The following ZNF487 variants were observed in gnomAD, a reference collection of about 807,000 sequenced individuals.
The protein encoded by ZNF487 is KRAB domain only 1.
A neutral mutation model predicts 3.0 loss-of-function variants in ZNF487; 4 were observed. The observed-to-expected ratio is 1.35, with a 90% confidence interval of 0.66 to 3.08. The LOEUF is 3.08. Ranked by LOEUF, ZNF487 falls within the 30% of genes most tolerant of loss-of-function variation. The probability of loss-of-function intolerance (pLI) is 0.01; values close to 1 mark genes in which losing one functional copy is unlikely to be tolerated. For synonymous variants in ZNF487, 55 were observed against 34.6 expected (o/e 1.59, Z -2.06); for missense variants, 146 against 98.7 (o/e 1.48, Z -2.03).
chr10:43,491,777 T>C, the ZNF487 span, among the ~76,000 whole-genome samples: 16 of 151,786 alleles, frequency 1.1e-4, no homozygotes, highest in Non-Finnish European at 1.9e-4. Context: ...GATCAATTCT[T>C]CTTTCCAGGA....
At chr10:43,464,943 C>A (rs1178712226) in intron 1 of ZNF487, among the ~76,000 whole-genome samples, 2 of 151,712 alleles carry the variant, frequency 1.3e-5, no homozygotes, top group African/African-American at 2.4e-5. Context: ...CCAGTAGGGG[C>A]GGCCGGGCAG....
chr10:43,466,604 T>C (rs991372462), intron 1 of ZNF487, among the ~76,000 whole-genome samples: 13 of 151,854 alleles, frequency 8.6e-5, no homozygotes, highest in South Asian at 2.1e-4. Flanking sequence ...GGTTTCACCA[T>C]GTTTGTCAGG....
At chr10:43,516,254 T>C in the ZNF487 span, among the ~76,000 whole-genome samples, 1 of 152,178 alleles carries the variant, frequency 6.6e-6, no homozygotes, top group African/African-American at 2.4e-5. Flanking sequence ...TGCATAACTA[T>C]CTAAACAGTT....
intron 1 of ZNF487, among the ~76,000 whole-genome samples, chr10:43,470,797 G>T (rs1469759734): frequency 6.6e-6 from 1 of 152,096 alleles, no homozygotes; most frequent in African/African-American, 2.4e-5. Flanking sequence ...GGGATTACAG[G>T]TGAGAGCCAC....
intron 1 of ZNF487, among the ~76,000 whole-genome samples, chr10:43,446,263 G>C (rs926834078): frequency 1.3e-5 from 2 of 151,604 alleles, no homozygotes; most frequent in Non-Finnish European, 2.9e-5. Context: ...GCCAGGCAGA[G>C]GCGCCACCCA....
intron 1 of ZNF487, among the ~76,000 whole-genome samples, chr10:43,446,299 C>T (rs1391804647): frequency 2.0e-5 from 3 of 148,092 alleles, no homozygotes; most frequent in Non-Finnish European, 3.0e-5. Context: ...GGCTGCTGGG[C>T]GGGGGCGCCC....
chr10:43,436,912 C>G (rs1256011018), upstream of ZNF487: 1 of 469,098 alleles, frequency 2.1e-6, no homozygotes, highest in South Asian at 1.6e-5. Flanking sequence ...CGGACTGCGC[C>G]GTGTCTTCCT....
At chr10:43,512,041 A>G in the ZNF487 span, among the ~76,000 whole-genome samples, 1 of 152,208 alleles carries the variant, frequency 6.6e-6, no homozygotes, top group East Asian at 1.9e-4. Context: ...AAAGTGCACA[A>G]CCAGGTGCAC....
chr10:43,446,755 G>C (rs1173686452), intron 1 of ZNF487, among the ~76,000 whole-genome samples: 10 of 152,014 alleles, frequency 6.6e-5, no homozygotes, highest in Admixed American at 6.6e-4. Flanking sequence ...GATGATGGGC[G>C]GCCAGGCAGA....
At chr10:43,471,991 ATCTTGGCTTT>A (rs1371559629) in intron 1 of ZNF487, among the ~76,000 whole-genome samples, 1 of 152,198 alleles carries the variant, frequency 6.6e-6, no homozygotes, top group Non-Finnish European at 1.5e-5. Context: ...TTTAACTTGT[ATCTTGGCTTT>A]CAGGCTTTAA....
At position 43,443,853 on chromosome 10, in the gene ZNF487, AT is replaced by A. The variant is rs1260588015; in HGVS notation, c.-94+6607del. 8.2e-3 allele frequency among the ~76,000 whole-genome samples: 1,109 copies of A among 135,870 alleles called. 8 individuals are homozygous for A. The highest frequency in any genetic ancestry group is 0.019 in the African/African-American group (689 of 37,112). 89.1% of individuals were successfully genotyped at this position (135,870 alleles called of 152,430 possible). On this transcript the variant is annotated intron_variant, in intron 1 of 3. Coordinates refer to ENST00000437590, the MANE Select transcript of ZNF487 (RefSeq NM_001355444.3). ...AGTTGTCTTTTTGTATATTGCTTGA[AT>A]TTTTTTTTTTTTTTTGTAGACACAG...
At chr10:43,483,843 ATTTTAT>A (rs944194991), downstream of ZNF487, among the ~76,000 whole-genome samples, 6 of 150,214 alleles carry the variant, frequency 4.0e-5, no homozygotes, top group African/African-American at 1.2e-4. Flanking sequence ...TTGATATTTT[ATTTTAT>A]TTTTATTTAT....
chr10:43,508,041 C>G, the ZNF487 span, among the ~76,000 whole-genome samples: 1 of 152,238 alleles, frequency 6.6e-6, no homozygotes. Context: ...CACTGCAGTA[C>G]TTTGCTGCCC....
intron 1 of ZNF487, among the ~76,000 whole-genome samples, chr10:43,456,307 G>A (rs1305061586): frequency 6.6e-6 from 1 of 152,182 alleles, no homozygotes; most frequent in African/African-American, 2.4e-5. Context: ...GAGGAAGCGT[G>A]GCCCACCTGA....
the ZNF487 span, among the ~76,000 whole-genome samples, chr10:43,494,765 C>CAAAAAAAAAAA: frequency 9.5e-4 from 34 of 35,754 alleles, 1 homozygote; most frequent in African/African-American, 2.1e-3. Flanking sequence ...ACTAAAAATA[C>CAAAAAAAAAAA]AAAAAAAAAA....
chr10:43,494,041 A>G, the ZNF487 span, among the ~76,000 whole-genome samples: 1 of 151,672 alleles, frequency 6.6e-6, no homozygotes, highest in Non-Finnish European at 1.5e-5. Flanking sequence ...TAAAAAAAAA[A>G]AAAAAAAACT....
the ZNF487 span, among the ~76,000 whole-genome samples, chr10:43,507,305 C>T: frequency 2.6e-5 from 4 of 152,294 alleles, no homozygotes; most frequent in East Asian, 7.7e-4. Flanking sequence ...CACCCACCCC[C>T]TGGGACAGGT....
chr10:43,520,141 A>G, the ZNF487 span, among the ~76,000 whole-genome samples: 2 of 152,314 alleles, frequency 1.3e-5, no homozygotes, highest in South Asian at 2.1e-4. Context: ...ATATTAGACT[A>G]TCTAATACCT....
At chr10:43,437,492 G>C (rs993189946) in intron 1 of ZNF487, among the ~76,000 whole-genome samples, 2 of 152,232 alleles carry the variant, frequency 1.3e-5, no homozygotes, top group Middle Eastern at 3.4e-3. Context: ...CTGAGGAAGC[G>C]CTTCCTCTGG....
Sources: allele counts gnomAD v4.1 joint callset (sites outside exome capture counted in the v4.1 genomes callset), GRCh38; gene constraint gnomAD v4.1.1; transcripts MANE v1.5; gene names NCBI Gene and HGNC (gene_info 2026-07-23, HGNC 2026-07-21).